Variants in TAF1L observed in about 807,000 individuals in gnomAD.
TAF1L encodes transcription initiation factor TFIID subunit 1-like.
A neutral mutation model predicts 128.8 loss-of-function variants in TAF1L; 30 were observed. The ratio of observed to expected loss-of-function variants is 0.23; its 90% CI spans 0.17 to 0.32. The LOEUF (loss-of-function observed/expected upper bound fraction) is 0.32, where lower values mean the gene tolerates loss of function less well. Among genes scored for constraint, TAF1L ranks in the 10% least tolerant of loss-of-function variants. TAF1L has a pLI of 1.00. For synonymous variants in TAF1L, 764 were observed against 790.7 expected (o/e 0.97, Z 0.57); for missense variants, 2,099 against 2,253.7 (o/e 0.93, Z 1.39).
rs778866946 is a variant in TAF1L at position 32,633,297 on chromosome 9, T to G, written c.2283A>C (p.Ala761=). The change falls in exon 1 of 1, where the codon GCA becomes GCC. Residue 761 remains alanine (A), a synonymous_variant. Coordinates refer to ENST00000242310, the MANE Select transcript of TAF1L (RefSeq NM_153809.2). The part of the protein sequence containing the change: ...GSLHPGQLLQ[A]LENNLFRAPV... ...GAGCACGAAAAAGGTTGTTCTCAAG[T>G]GCCTGCAGTAATTGGCCAGGATGGA... 1.2e-6 allele frequency: 2 copies of G among 1,614,214 alleles called. No homozygotes were observed. The highest frequency in any genetic ancestry group is 1.1e-5 in the South Asian group (1 of 91,084).
Position 32,634,754 on chromosome 9 carries a change from G to A in TAF1L, c.826C>T (p.Arg276Trp), listed in dbSNP as rs143742964. ...GPGKNVPSVWRSARRKRKKHR... is the reference protein window; with the variant it reads ...GPGKNVPSVWWSARRKRKKHR... ...TTCTTCCTCTTTCTCCGAGCACTCC[G>A]CCAAACAGATGGGACATTCTTCCCT... Residue 276 changes from arginine (R) to tryptophan (W), a missense_variant, in exon 1 of 1, where the codon CGG becomes TGG. Coordinates refer to ENST00000242310, the MANE Select transcript of TAF1L (RefSeq NM_153809.2). The A allele has an allele frequency of 5.6e-5, 91 of 1,614,102 alleles. No homozygotes were observed. Among genetic ancestry groups the A allele is most frequent in the Admixed American group, 8.3e-5 (5 of 60,010 alleles).
Position 32,630,866 on chromosome 9 carries a change from T to G in TAF1L, c.4714A>C (p.Ile1572Leu). 6.2e-7 allele frequency: 1 copy of G among 1,614,216 alleles called. No individual in the cohort carries two copies. The highest frequency in any genetic ancestry group is 8.5e-7 in the Non-Finnish European group (1 of 1,180,040). ...TTGTGCTTGGAGATGTTCTTACGTA[T>G]GGTCTCTAAATCCACTGGATTGACA... Reference protein sequence around the residue: ...MIVNPVDLETIRKNISKHKYQ... With the variant: ...MIVNPVDLETLRKNISKHKYQ... Residue 1572 changes from isoleucine (I) to leucine (L), a missense_variant, in exon 1 of 1, where the codon ATA becomes CTA. Ile to Leu is a conservative substitution (Grantham distance 5). Transcript: ENST00000242310.
rs569933595 is a variant in TAF1L at position 32,633,746 on chromosome 9, T to C, written c.1834A>G (p.Ile612Val). Residue 612 changes from isoleucine (I) to valine (V), a missense_variant, in exon 1 of 1, where the codon ATT becomes GTT. Coordinates refer to ENST00000242310, the MANE Select transcript of TAF1L (RefSeq NM_153809.2). ...TFGGNIIQHS[I>V]PAMELWQPFF... ...GGCTGCCATAATTCCATAGCAGGAA[T>C]TGAATGCTGGATAATATTCCCTCCA... 3.1e-6 allele frequency: 5 copies of C among 1,614,186 alleles called. No homozygotes were observed. The East Asian group carries it at 1.1e-4, about 36-fold the overall frequency.
In TAF1L at chr9:32,631,212, G is replaced by C. The variant is rs2119083971; in HGVS notation, c.4368C>G (p.Cys1456Trp). The C allele has an allele frequency of 6.2e-7, 1 of 1,614,170 alleles. No homozygotes were observed. Among genetic ancestry groups the C allele is most frequent in the Non-Finnish European group, 8.5e-7 (1 of 1,180,034 alleles). Residue 1456 changes from cysteine (C) to tryptophan (W), a missense_variant, in exon 1 of 1, where the codon TGC becomes TGG. Physicochemically the swap from Cys to Trp is radical, Grantham distance 215. This residue lies in a region of TAF1L where 1,213 missense variants were observed against 1,391.4 expected (regional missense o/e 0.87). Transcript: ENST00000242310. The surrounding 1 kb of genome is among the most constrained non-coding windows in gnomAD (Gnocchi z 4.1). ...LQTLRENVRKCLYPSREEFRE... is the reference protein window; with the variant it reads ...LQTLRENVRKWLYPSREEFRE... ...TGAACTCTTCCCGAGATGGGTAGAGGCATTTACGCACATTTTCACGGAGTG... is the reference window on the plus strand; with the variant it reads ...TGAACTCTTCCCGAGATGGGTAGAGCCATTTACGCACATTTTCACGGAGTG...
rs1455079446 is a variant in TAF1L at position 32,633,512 on chromosome 9, G to A, written c.2068C>T (p.Leu690Phe). ...ATAAGATCTCCATCTTTGCCTGTGA[G>A]ATCCTGAGGTGTGCGCATAAAAAAC... is the stretch of plus-strand genomic sequence containing the variant. ...ELFFMRTPQD[L>F]TGKDGDLILA... is the part of the protein sequence containing the mutation. The change falls in exon 1 of 1, where the codon CTC (leucine) becomes TTC (phenylalanine). Residue 690 changes from leucine (L) to phenylalanine (F), a missense_variant. Around this residue, in one of 4 missense-constraint regions of TAF1L, gnomAD observed 1,213 missense variants for 1,391.4 expected, o/e 0.87. Transcript: ENST00000242310. 1 of 1,614,184 alleles carries A rather than the reference G, an allele frequency of 6.2e-7. No homozygotes were observed. Among genetic ancestry groups the A allele is most frequent in the Non-Finnish European group, 8.5e-7 (1 of 1,180,044 alleles).
Position 32,630,093 on chromosome 9 carries a change from C to T in TAF1L, c.*6G>A. Reference sequence around the variant, plus strand: ...ACCGTCTCCCTCATGGGACATCATGCTTTCTTCATTTTCCGTGCCCATCCT... The same window carrying T: ...ACCGTCTCCCTCATGGGACATCATGTTTTCTTCATTTTCCGTGCCCATCCT... On this transcript the variant is annotated 3_prime_UTR_variant, in exon 1 of 1. Transcript: ENST00000242310. The T allele has an allele frequency of 6.2e-7, 1 of 1,614,070 alleles. No individual in the cohort carries two copies. The highest frequency in any genetic ancestry group is 8.5e-7 in the Non-Finnish European group (1 of 1,179,970).
At position 32,630,084 on chromosome 9, in the gene TAF1L, G is replaced by C. The variant is rs372808247; in HGVS notation, c.*15C>G. 2 of 1,613,904 alleles carry C rather than the reference G, an allele frequency of 1.2e-6. No homozygotes were observed. The highest frequency in any genetic ancestry group is 2.2e-5 in the South Asian group (2 of 91,044). On this transcript the variant is annotated 3_prime_UTR_variant, in exon 1 of 1. Coordinates refer to ENST00000242310, the MANE Select transcript of TAF1L (RefSeq NM_153809.2). ...AGCCTCCCCACCGTCTCCCTCATGG[G>C]ACATCATGCTTTCTTCATTTTCCGT...
chr9:32,634,024 A>G lies in TAF1L; in HGVS notation c.1556T>C (p.Leu519Ser), dbSNP rs1284845569. 4 of 1,614,092 alleles carry G rather than the reference A, an allele frequency of 2.5e-6. No homozygotes were observed. The highest frequency in any genetic ancestry group is 3.4e-6 in the Non-Finnish European group (4 of 1,180,036). Residue 519 changes from leucine to serine, a missense_variant, in exon 1 of 1, where the codon TTG becomes TCG. Leu to Ser is a moderately radical substitution (Grantham distance 145). This residue lies in a region of TAF1L where 1,213 missense variants were observed against 1,391.4 expected (regional missense o/e 0.87). Transcript: ENST00000242310. ...GTTCTCATCATTGGGATCAAGTGCC[A>G]AAACAGGAGGTTCCAACAGCCGGGG... ...AMPRLLEPPV[L>S]ALDPNDENLI...
At position 32,635,296 on chromosome 9, in the gene TAF1L, T is replaced by C; in HGVS notation, c.284A>G (p.Asn95Ser). 1 of 1,614,152 alleles carries C rather than the reference T, an allele frequency of 6.2e-7. No homozygotes were observed. Among genetic ancestry groups the C allele is most frequent in the Non-Finnish European group, 8.5e-7 (1 of 1,180,024 alleles). ...ELTGTGGALV[N>S]DEGWIRSTED... is the part of the protein sequence containing the mutation. ...TGTACTCCTAATCCACCCTTCATCA[T>C]TTACCAAGGCACCGCCAGTCCCAGT... Residue 95 changes from asparagine (N) to serine (S), a missense_variant, in exon 1 of 1, where the codon AAT becomes AGT. By Grantham distance (46) the Asn-to-Ser change is conservative (BLOSUM62 1). Coordinates refer to ENST00000242310, the MANE Select transcript of TAF1L (RefSeq NM_153809.2).
At position 32,634,468 on chromosome 9, in the gene TAF1L, A is replaced by G. The variant is rs148047141; in HGVS notation, c.1112T>C (p.Met371Thr). 2 of 1,614,232 alleles carry G rather than the reference A, an allele frequency of 1.2e-6. No homozygotes were observed. Among genetic ancestry groups the G allele is most frequent in the Middle Eastern group, 1.6e-4 (1 of 6,062 alleles). ...ACTGCCATCTTCGGAGACACCCAGC[A>G]TATCATACCACAGTCGGGCAGGCCC... The part of the protein sequence containing the change: ...RYGPARLWYD[M>T]LGVSEDGSGF... The change falls in exon 1 of 1, where the codon ATG (methionine) becomes ACG (threonine). Residue 371 changes from methionine to threonine, a missense_variant. Coordinates refer to ENST00000242310, the MANE Select transcript of TAF1L (RefSeq NM_153809.2).
In TAF1L at chr9:32,631,628, G is replaced by A. The variant is rs772207029; in HGVS notation, c.3952C>T (p.Gln1318Ter). 3 of 1,614,108 alleles carry A rather than the reference G, an allele frequency of 1.9e-6. No homozygotes were observed. The highest frequency in any genetic ancestry group is 1.7e-5 in the Admixed American group (1 of 60,022). ...ACTGTCTTTTCCAACTCCTCCTCCT[G>A]CTCTTCTGTCATGGCAACAGGTTTC... is the stretch of plus-strand genomic sequence containing the variant. ...PSKPVAMTEE[Q>*]EEELEKTVIH... Residue 1318 changes from glutamine to a stop codon, truncating the protein, a stop_gained, in exon 1 of 1, where the codon CAG (glutamine) becomes TAG (stop). Coordinates refer to ENST00000242310, the MANE Select transcript of TAF1L (RefSeq NM_153809.2). LOFTEE classifies it high-confidence loss of function. The surrounding 1 kb of genome is among the most constrained non-coding windows in gnomAD (Gnocchi z 4.1).
rs1466846022 is a variant in TAF1L at position 32,635,193 on chromosome 9, G to A, written c.387C>T (p.Ser129=). The A allele has an allele frequency of 1.9e-6, 3 of 1,614,016 alleles. No individual in the cohort carries two copies. The highest frequency in any genetic ancestry group is 2.5e-6 in the Non-Finnish European group (3 of 1,180,024). ...ESQRHQQTMG[S]LQPLYHSDYD... ...AATCCGAGTGGTAAAGGGGCTGCAAGCTCCCCATCGTCTGCTGGTGTCTTT... is the reference window on the plus strand; with the variant it reads ...AATCCGAGTGGTAAAGGGGCTGCAAACTCCCCATCGTCTGCTGGTGTCTTT... Residue 129 remains serine, a synonymous_variant, in exon 1 of 1, where the codon AGC becomes AGT. Transcript: ENST00000242310.
In TAF1L at chr9:32,634,540, A is replaced by G. The variant is rs749612856; in HGVS notation, c.1040T>C (p.Val347Ala). 36 of 1,614,044 alleles carry G rather than the reference A, an allele frequency of 2.2e-5. No individual in the cohort carries two copies. The highest frequency in any genetic ancestry group is 3.3e-5 in the Admixed American group (2 of 60,002). Residue 347 changes from valine to alanine, a missense_variant, in exon 1 of 1, where the codon GTA (valine) becomes GCA (alanine). By Grantham distance (64) the Val-to-Ala change is moderately conservative (BLOSUM62 0). This residue lies in a region of TAF1L where 473 missense variants were observed against 429.6 expected (regional missense o/e 1.10). Coordinates refer to ENST00000242310, the MANE Select transcript of TAF1L (RefSeq NM_153809.2). ...TGGTTTGGTATCTGTCACTTTATCT[A>G]CATCTCCAGTTGATTGGGAAAATTT... Reference protein sequence around the residue: ...ESKFSQSTGDVDKVTDTKPRV... With the variant: ...ESKFSQSTGDADKVTDTKPRV...
chr9:32,631,402 A>G lies in TAF1L; in HGVS notation c.4178T>C (p.Ile1393Thr). 1 of 1,614,148 alleles carries G rather than the reference A, an allele frequency of 6.2e-7. No homozygotes were observed. The highest frequency in any genetic ancestry group is 8.5e-7 in the Non-Finnish European group (1 of 1,180,038). ...CATAGGGTCTGTGCGGCGTCGGTGG[A>G]TGGACTTATGAGGTATATTCAAATA... ...CDYLNIPHKS[I>T]HRRRTDPMVT... The change falls in exon 1 of 1, where the codon ATC becomes ACC. Residue 1393 changes from isoleucine to threonine, a missense_variant. Physicochemically the swap from Ile to Thr is moderately conservative, Grantham distance 89 (BLOSUM62 -1). This residue lies in a region of TAF1L where 1,213 missense variants were observed against 1,391.4 expected (regional missense o/e 0.87). Coordinates refer to ENST00000242310, the MANE Select transcript of TAF1L (RefSeq NM_153809.2). The surrounding 1 kb of genome is among the most constrained non-coding windows in gnomAD (Gnocchi z 4.1).
rs1394930902 is a variant in TAF1L at position 32,633,886 on chromosome 9, C to A, written c.1694G>T (p.Gly565Val). The A allele has an allele frequency of 6.2e-7, 1 of 1,614,208 alleles. No homozygotes were observed. Residue 565 changes from glycine to valine, a missense_variant, in exon 1 of 1, where the codon GGT becomes GTT. By Grantham distance (109) the Gly-to-Val change is moderately radical. Around this residue, in one of 4 missense-constraint regions of TAF1L, gnomAD observed 1,213 missense variants for 1,391.4 expected, o/e 0.87. Transcript: ENST00000242310. ...KKSRILLGKT[G>V]VIREEPQQNM... ...CTGCTGTGGTTCCTCCCTGATGACA[C>A]CTGTTTTGCCCAAGAGAATTCGACT...
In TAF1L at chr9:32,630,744, A is replaced by G; in HGVS notation, c.4836T>C (p.Ala1612=). The G allele has an allele frequency of 6.2e-7, 1 of 1,614,198 alleles. No homozygotes were observed. The highest frequency in any genetic ancestry group is 8.5e-7 in the Non-Finnish European group (1 of 1,180,034). Residue 1612 remains alanine, a synonymous_variant, in exon 1 of 1, where the codon GCT becomes GCC. Coordinates refer to ENST00000242310, the MANE Select transcript of TAF1L (RefSeq NM_153809.2). ...GGTAACAGATGTTCACAATCTCCTG[A>G]GCAGTCTTAGTGTACTGACTCTCAG... ...NGPESQYTKT[A]QEIVNICYQT...
Position 32,630,204 on chromosome 9 carries a change from A to G in TAF1L, c.5376T>C (p.Ser1792=), listed in dbSNP as rs1198702515. The G allele has an allele frequency of 3.1e-6, 5 of 1,613,724 alleles. No individual in the cohort carries two copies. The highest frequency in any genetic ancestry group is 1.7e-5 in the Admixed American group (1 of 59,972). The change falls in exon 1 of 1, where the codon AGT becomes AGC. Residue 1792 remains serine, a synonymous_variant. Transcript: ENST00000242310. ...CCACATCAGAGTCACTTCCACTTTC[A>G]CTCAGCTGGATAGCAGAGAAAGGAT... ...GDNPFSAIQL[S]ESGSDSDVGY...
chr9:32,629,873 G>T lies in TAF1L; in HGVS notation c.*226C>A. On this transcript the variant is annotated 3_prime_UTR_variant, in exon 1 of 1. Coordinates refer to ENST00000242310, the MANE Select transcript of TAF1L (RefSeq NM_153809.2). ...GAAGTTTCGACATGTTGGCCAAGCT[G>T]GTCTCGAACTGACCTCAGGTGATCC... is the stretch of plus-strand genomic sequence containing the variant. 1 of 777,608 alleles carries T rather than the reference G, an allele frequency of 1.3e-6. No individual in the cohort carries two copies. The highest frequency in any genetic ancestry group is 2.0e-6 in the Non-Finnish European group (1 of 488,154). 48.2% of individuals were successfully genotyped at this position (777,608 alleles called of 1,614,324 possible).
chr9:32,634,563 T>C lies in TAF1L; in HGVS notation c.1017A>G (p.Lys339=). Reference sequence around the variant, plus strand: ...CTACATCTCCAGTTGATTGGGAAAATTTGGACTCCACAGGAACCATCATCG... The same window carrying C: ...CTACATCTCCAGTTGATTGGGAAAACTTGGACTCCACAGGAACCATCATCG... ...EITMMVPVES[K]FSQSTGDVDK... is the part of the protein sequence containing the mutation. Residue 339 remains lysine, a synonymous_variant, in exon 1 of 1, where the codon AAA becomes AAG. Coordinates refer to ENST00000242310, the MANE Select transcript of TAF1L (RefSeq NM_153809.2). The C allele has an allele frequency of 6.2e-7, 1 of 1,614,066 alleles. No homozygotes were observed. Among genetic ancestry groups the C allele is most frequent in the Non-Finnish European group, 8.5e-7 (1 of 1,180,006 alleles).
Sources: gnomAD v4.1 joint callset for allele counts on GRCh38, gnomAD v4.1.1 for gene constraint, gnomAD v4.1.1 regional missense constraint, Gnocchi (gnomAD v3.1) non-coding constraint, MANE v1.5 for transcripts, NCBI Gene and HGNC (gene_info 2026-07-23, HGNC 2026-07-21) for gene names.